The following NLRP14 variants were observed in gnomAD, a reference collection of about 807,000 sequenced individuals.
The protein encoded by NLRP14 is NACHT, LRR and PYD domains-containing protein 14.
A neutral mutation model predicts 94.7 loss-of-function variants in NLRP14; 105 were observed. The observed-to-expected ratio is 1.11, with a 90% CI of 0.95 to 1.30. NLRP14 has a LOEUF of 1.30. Ranked by LOEUF, NLRP14 falls within the 50% of genes most tolerant of loss-of-function variation. NLRP14 has a pLI of 0.00. For synonymous variants in NLRP14, 508 were observed against 459.9 expected (o/e 1.10, Z -1.34); for missense variants, 1,362 against 1,254.1 (o/e 1.09, Z -1.30).
At chr11:7,089,940 C>T in the NLRP14 span, 1 of 1,612,934 alleles carries the variant, frequency 6.2e-7, no homozygotes, top group Admixed American at 1.7e-5. Context: ...CGGGGATCAT[C>T]TGAGCAGAGG....
intron 3 of NLRP14, among the ~76,000 whole-genome samples, chr11:7,041,355 T>C (rs578257103): frequency 2.7e-4 from 41 of 152,302 alleles, no homozygotes; most frequent in African/African-American, 9.9e-4. Flanking sequence ...CCAATCCTAC[T>C]ATTCAGAAAT....
rs765633093 is a variant in NLRP14 at position 7,043,956 on chromosome 11, T to C, written c.1930T>C (p.Leu644=). 4.3e-6 allele frequency: 7 copies of C among 1,614,062 alleles called. No individual in the cohort carries two copies. The highest frequency in any genetic ancestry group is 1.3e-5 in the African/African-American group (1 of 74,934). The change falls in exon 4 of 12, where the codon TTA becomes CTA. Residue 644 remains leucine (L), a synonymous_variant. Coordinates refer to ENST00000299481, the MANE Select transcript of NLRP14 (RefSeq NM_176822.4). The part of the protein sequence containing the change: ...SVTVVFEKKI[L]KTSLPTNTWD... ...AACTGTGGTATTTGAGAAGAAGATA[T>C]TAAAAACAAGCCTCCCAACTAACAC...
intron 1 of NLRP14, among the ~76,000 whole-genome samples, chr11:7,024,567 G>A (rs927407698): frequency 6.6e-6 from 1 of 152,138 alleles, no homozygotes; most frequent in Admixed American, 6.5e-5. Flanking sequence ...TTGTGACTGA[G>A]AGAGGTCTCT....
intron 10 of NLRP14, among the ~76,000 whole-genome samples, chr11:7,068,929 C>G (rs986678999): frequency 6.6e-6 from 1 of 152,190 alleles, no homozygotes; most frequent in Non-Finnish European, 1.5e-5. Flanking sequence ...GCTGGTATTA[C>G]AGGTGCCAGC....
downstream of NLRP14, among the ~76,000 whole-genome samples, chr11:7,075,914 C>T (rs1055998904): frequency 1.3e-5 from 2 of 152,106 alleles, no homozygotes; most frequent in East Asian, 1.9e-4. Context: ...CAGTTATGTT[C>T]GAAGGCAGGT....
chr11:7,085,532 T>A, the NLRP14 span, among the ~76,000 whole-genome samples: 1 of 152,220 alleles, frequency 6.6e-6, no homozygotes, highest in African/African-American at 2.4e-5. Context: ...TTAAGGTTCA[T>A]CCATGTTGTA....
intron 8 of NLRP14, among the ~76,000 whole-genome samples, chr11:7,059,545 C>T (rs923904978): frequency 3.9e-5 from 6 of 151,934 alleles, no homozygotes; most frequent in South Asian, 2.1e-4. Context: ...GCTTCTATTA[C>T]ATACAAAGAG....
chr11:7,089,551 C>T, the NLRP14 span: 2 of 1,200,462 alleles, frequency 1.7e-6, no homozygotes, highest in Non-Finnish European at 2.1e-6. Flanking sequence ...CCCTCCAGGG[C>T]CCCGATGCCC....
At chr11:7,057,654 T>C in intron 6 of NLRP14, 23 bp from the exon 7 acceptor site, 2 of 1,609,080 alleles carry the variant, frequency 1.2e-6, no homozygotes, top group Non-Finnish European at 1.7e-6. Context: ...TGGTCATTCC[T>C]GCTTTTCTGT....
intron 1 of NLRP14, among the ~76,000 whole-genome samples, chr11:7,028,457 C>T (rs1448027825): frequency 6.6e-6 from 1 of 152,120 alleles, no homozygotes; most frequent in Non-Finnish European, 1.5e-5. Context: ...TTATAATAGC[C>T]TCTTAACTGG....
intron 9 of NLRP14, among the ~76,000 whole-genome samples, chr11:7,060,532 C>G (rs1230707982): frequency 1.3e-5 from 2 of 151,940 alleles, no homozygotes; most frequent in Non-Finnish European, 2.9e-5. Context: ...TGGTTGTGTC[C>G]TAGTGAATCT....
chr11:7,046,013 G>A lies in NLRP14; in HGVS notation c.1959-655G>A, dbSNP rs556968486. On this transcript the variant is annotated intron_variant, in intron 4 of 11. Coordinates refer to ENST00000299481, the MANE Select transcript of NLRP14 (RefSeq NM_176822.4). ...CCATTGTCGAGCTTATAAACACCAG[G>A]TTGTCCCCTGTTTTATTACCCTTTA... Among the ~76,000 whole-genome samples the A allele has an allele frequency of 3.3e-5, 5 of 152,142 alleles. No homozygotes were observed. In the East Asian group the frequency reaches 9.6e-4, roughly 29 times the overall value.
At chr11:7,089,042 GACGAGCGAGCT>G in the NLRP14 span, 1 of 1,516,544 alleles carries the variant, frequency 6.6e-7, no homozygotes, top group Non-Finnish European at 9.0e-7. Context: ...AGCCGCCCTC[GACGAGCGAGCT>G]CGAAGGCTGC....
intron 9 of NLRP14, among the ~76,000 whole-genome samples, chr11:7,060,618 C>T (rs976017224): frequency 2.6e-5 from 4 of 151,944 alleles, no homozygotes; most frequent in Admixed American, 1.3e-4. Context: ...TATATTTAAA[C>T]TCAGGTTATA....
At chr11:7,023,875 A>G (rs1472392054) in intron 1 of NLRP14, among the ~76,000 whole-genome samples, 1 of 151,986 alleles carries the variant, frequency 6.6e-6, no homozygotes, top group Non-Finnish European at 1.5e-5. Flanking sequence ...ACTTAACCAG[A>G]TATCATGAGA....
At chr11:7,047,547 C>G (rs1436645439) in intron 5 of NLRP14, among the ~76,000 whole-genome samples, 1 of 151,984 alleles carries the variant, frequency 6.6e-6, no homozygotes, top group Non-Finnish European at 1.5e-5. Context: ...CTGAGGAGAT[C>G]CTCCTGCCTC....
chr11:7,089,438 G>A, the NLRP14 span: 3 of 1,538,120 alleles, frequency 2.0e-6, no homozygotes, highest in Non-Finnish European at 2.6e-6. Context: ...GTCGCCCGAG[G>A]TTCCTGCGCG....
chr11:7,057,746 C>T lies in NLRP14; in HGVS notation c.2361C>T (p.Ser787=). 1 of 1,611,568 alleles carries T rather than the reference C, an allele frequency of 6.2e-7. No individual in the cohort carries two copies. Among genetic ancestry groups the T allele is most frequent in the South Asian group, 1.1e-5 (1 of 91,042 alleles). The change falls in exon 7 of 12, where the codon AGC becomes AGT. Residue 787 remains serine, a synonymous_variant. Transcript: ENST00000299481. The part of the protein sequence containing the change: ...NISNALIRSQ[S]LIFLNLSTNN... ...CTAATGCTCTCATCAGAAGCCAGAG[C>T]CTGATATTTCTGAATCTGTCAACCA... is the stretch of plus-strand genomic sequence containing the variant.
Position 7,042,426 on chromosome 11 carries a change from T to C in NLRP14, c.400T>C (p.Phe134Leu). 6.2e-7 allele frequency: 1 copy of C among 1,613,998 alleles called. No homozygotes were observed. Among genetic ancestry groups the C allele is most frequent in the Non-Finnish European group, 8.5e-7 (1 of 1,179,896 alleles). The change falls in exon 4 of 12, where the codon TTT becomes CTT. Residue 134 changes from phenylalanine to leucine, a missense_variant. Coordinates refer to ENST00000299481, the MANE Select transcript of NLRP14 (RefSeq NM_176822.4). ...TEYRNRIKEK[F>L]CITWDKKSLA... ...ATACAGAAATAGAATAAAGGAAAAA[T>C]TTTGCATCACTTGGGACAAGAAGTC...
Sources: allele counts gnomAD v4.1 joint callset (sites outside exome capture counted in the v4.1 genomes callset), GRCh38; gene constraint gnomAD v4.1.1; transcripts MANE v1.5; gene names NCBI Gene and HGNC (gene_info 2026-07-23, HGNC 2026-07-21).